Variants in CA10 observed in about 807,000 individuals in gnomAD.
CA10 encodes carbonic anhydrase 10 (inactive).
A neutral mutation model predicts 44.2 loss-of-function variants in CA10; 14 were observed. That is an observed-to-expected ratio of 0.32 (90% CI 0.21 to 0.50). The LOEUF is 0.50. Among genes scored for constraint, CA10 ranks in the 20% least tolerant of loss-of-function variants. The probability of loss-of-function intolerance (pLI) is 0.99; values close to 1 mark genes in which losing one functional copy is unlikely to be tolerated. For synonymous variants in CA10, 159 were observed against 141.6 expected (o/e 1.12, Z -0.87); for missense variants, 350 against 409.7 (o/e 0.85, Z 1.26).
intron 4 of CA10, 125 bp downstream of exon 4, chr17:51,747,508 C>T (rs1479392640): frequency 9.6e-6 from 7 of 730,388 alleles, no homozygotes; most frequent in Admixed American, 8.1e-5. Context: ...AGAAAGAAGG[C>T]ATGGGCCTTC....
At chr17:52,022,484 C>G (rs1986173542) in intron 2 of CA10, among the ~76,000 whole-genome samples, 1 of 151,994 alleles carries the variant, frequency 6.6e-6, no homozygotes, top group Admixed American at 6.6e-5. Flanking sequence ...GTGACAAACC[C>G]ACAGCCAACA....
chr17:51,796,255 AG>A (rs1906704219), intron 3 of CA10, among the ~76,000 whole-genome samples: 1 of 151,920 alleles, frequency 6.6e-6, no homozygotes, highest in South Asian at 2.1e-4. Context: ...GGCCCAGAAA[AG>A]GGGAAGTGCC....
At chr17:51,800,051 A>G (rs1030079167) in intron 3 of CA10, among the ~76,000 whole-genome samples, 1 of 152,236 alleles carries the variant, frequency 6.6e-6, no homozygotes, top group Non-Finnish European at 1.5e-5. Context: ...GTCCACACAA[A>G]TGTTCATAAC....
chr17:52,103,823 A>C (rs60040240), intron 1 of CA10, among the ~76,000 whole-genome samples: 20,610 of 152,200 alleles, frequency 0.14, 1,693 homozygotes, highest in East Asian at 0.41. Context: ...TCCCCCCAGC[A>C]CTTGGGTGGT....
At chr17:51,645,878 G>A (rs1029410241) in intron 6 of CA10, among the ~76,000 whole-genome samples, 1 of 152,192 alleles carries the variant, frequency 6.6e-6, no homozygotes, top group Non-Finnish European at 1.5e-5. Context: ...TTGGCCATAT[G>A]GCTTGCTTTG....
chr17:51,887,843 CAAAAAAAAAAAG>C (rs983454720), intron 3 of CA10, among the ~76,000 whole-genome samples: 1 of 83,626 alleles, frequency 1.2e-5, no homozygotes, highest in African/African-American at 3.8e-5. Flanking sequence ...ACTAAAAATA[CAAAAAAAAAAAG>C]AAAAAAAAAA....
intron 3 of CA10, among the ~76,000 whole-genome samples, chr17:51,896,828 A>C (rs1054756060): frequency 1.3e-5 from 2 of 152,080 alleles, no homozygotes; most frequent in African/African-American, 4.8e-5. Flanking sequence ...CATTTCTCTA[A>C]TGATTAGTGA....
rs1198779462 is a variant in CA10, at chr17:51,631,612, AAG to A, written c.965-8_965-7del. 7 of 1,611,086 alleles carry A rather than the reference AAG, an allele frequency of 4.3e-6. No homozygotes were observed. In the Admixed American group the frequency reaches 5.0e-5, roughly 12 times the overall value. On this transcript the variant is annotated splice_polypyrimidine_tract_variant and splice_region_variant and intron_variant, in intron 8 of 8. Coordinates refer to ENST00000451037, the MANE Select transcript of CA10 (RefSeq NM_020178.5). ...CTTGAGGAGCCATTCATTTACTGCA[AAG>A]AGAGAGAAAGAAAAAAAAAATCACA...
chr17:51,984,026 T>C (rs1160360982), intron 2 of CA10, among the ~76,000 whole-genome samples: 1 of 151,820 alleles, frequency 6.6e-6, no homozygotes, highest in East Asian at 1.9e-4. Flanking sequence ...ATTACTATTG[T>C]ATTTGATTAT....
At chr17:51,989,098 A>T (rs1483715455) in intron 2 of CA10, among the ~76,000 whole-genome samples, 1 of 151,968 alleles carries the variant, frequency 6.6e-6, no homozygotes, top group Non-Finnish European at 1.5e-5. Flanking sequence ...CCAGAAAAAA[A>T]TAAATGCAGA....
intron 2 of CA10, among the ~76,000 whole-genome samples, chr17:51,938,923 A>T (rs1299082457): frequency 6.6e-6 from 1 of 152,090 alleles, no homozygotes; most frequent in Admixed American, 6.6e-5. Flanking sequence ...ATTTGAGATC[A>T]GTTTCTTTCT....
intron 2 of CA10, among the ~76,000 whole-genome samples, chr17:51,941,748 T>C (rs1452694083): frequency 2.0e-5 from 3 of 152,248 alleles, no homozygotes; most frequent in East Asian, 3.9e-4. Context: ...TGAAAATAGG[T>C]GATCTTCTTC....
chr17:52,051,449 G>GAA (rs563024545), intron 2 of CA10, among the ~76,000 whole-genome samples: 3 of 139,104 alleles, frequency 2.2e-5, no homozygotes, highest in African/African-American at 5.2e-5. Context: ...AAATTCACAA[G>GAA]AAAAAAAAAA....
intron 3 of CA10, among the ~76,000 whole-genome samples, chr17:51,844,398 AATAGTT>A (rs755220712): frequency 1.3e-5 from 2 of 152,232 alleles, no homozygotes; most frequent in Non-Finnish European, 2.9e-5. Flanking sequence ...AGAATTAGTG[AATAGTT>A]ATATTTATTA....
At chr17:51,853,839 C>T (rs906967107) in intron 3 of CA10, among the ~76,000 whole-genome samples, 5 of 152,140 alleles carry the variant, frequency 3.3e-5, no homozygotes, top group East Asian at 1.9e-4. Flanking sequence ...TGCTGCCTTG[C>T]GAAGAAGGTG....
intron 2 of CA10, among the ~76,000 whole-genome samples, chr17:52,039,859 C>T (rs372561857): frequency 6.6e-5 from 10 of 152,020 alleles, no homozygotes; most frequent in Admixed American, 3.3e-4. Context: ...TTAAGAGAGA[C>T]CTCATAATGG....
intron 3 of CA10, among the ~76,000 whole-genome samples, chr17:51,752,738 G>T (rs1904932286): frequency 6.6e-6 from 1 of 152,088 alleles, no homozygotes; most frequent in South Asian, 2.1e-4. Flanking sequence ...AGACCAGCCT[G>T]GCCAACATGG....
intron 2 of CA10, among the ~76,000 whole-genome samples, chr17:52,021,674 A>T (rs1392668777): frequency 6.6e-6 from 1 of 152,132 alleles, no homozygotes; most frequent in Non-Finnish European, 1.5e-5. Flanking sequence ...AACAAAGGAA[A>T]AAAGGGAGAA....
At chr17:51,690,197 C>T (rs1461408804) in intron 4 of CA10, among the ~76,000 whole-genome samples, 1 of 152,236 alleles carries the variant, frequency 6.6e-6, no homozygotes, top group Non-Finnish European at 1.5e-5. Flanking sequence ...ATCCGCCTGC[C>T]TTGGCCTCCC....
Sources: gnomAD v4.1 joint callset for allele counts (sites outside exome capture counted in the v4.1 genomes callset) on GRCh38, gnomAD v4.1.1 for gene constraint, MANE v1.5 for transcripts, NCBI Gene and HGNC (gene_info 2026-07-23, HGNC 2026-07-21) for gene names.